Variants in ADAMTSL3 observed in about 807,000 individuals in gnomAD.
The protein encoded by ADAMTSL3 is ADAMTS-like protein 3.
In ADAMTSL3, 128 loss-of-function variants were observed where a neutral mutation model predicts 201.7. The observed-to-expected ratio is 0.63, with a 90% confidence interval of 0.55 to 0.73. The LOEUF is 0.73. Ranked by LOEUF, ADAMTSL3 falls within the 30% of genes least tolerant of loss-of-function variation. The probability of loss-of-function intolerance (pLI) is 0.00; values close to 1 mark genes in which losing one functional copy is unlikely to be tolerated. For synonymous variants in ADAMTSL3, 738 were observed against 748.4 expected (o/e 0.99, Z 0.23); for missense variants, 1,990 against 2,119.6 (o/e 0.94, Z 1.20).
intron 3 of ADAMTSL3, among the ~76,000 whole-genome samples, chr15:83,722,887 A>T (rs559720327): frequency 1.2e-4 from 19 of 152,250 alleles, no homozygotes; most frequent in African/African-American, 4.6e-4. Context: ...TTAAATAAAA[A>T]ATTTAACCAT....
chr15:83,983,603 C>A (rs1035619601), intron 21 of ADAMTSL3, among the ~76,000 whole-genome samples: 1 of 152,162 alleles, frequency 6.6e-6, no homozygotes. Context: ...AGCATATATA[C>A]ACTCCCCCTT....
intron 28 of ADAMTSL3, among the ~76,000 whole-genome samples, chr15:84,031,682 G>C (rs1033415312): frequency 2.6e-5 from 4 of 152,146 alleles, no homozygotes; most frequent in Non-Finnish European, 4.4e-5. Flanking sequence ...TGTGGTAAAA[G>C]GGGAAAAGGA....
At position 84,025,510 on chromosome 15, in the gene ADAMTSL3, T is replaced by C. The variant is rs1276431670; in HGVS notation, c.4656+74T>C. ...ATAGTGTGATAATAATCACCTTGTT[T>C]CCAATAAACTACTTTTGGGGCGGGG... On this transcript the variant is annotated intron_variant, in intron 27 of 29. Transcript: ENST00000286744. The C allele has an allele frequency of 3.5e-6, 5 of 1,423,008 alleles. No homozygotes were observed. The South Asian group carries it at 6.8e-5, about 19-fold the overall frequency. The allele number at this position is 1,423,008 out of a possible 1,614,324, so 88.1% of individuals were successfully genotyped here.
intron 25 of ADAMTSL3, among the ~76,000 whole-genome samples, chr15:84,019,226 T>C (rs924010295): frequency 6.6e-6 from 1 of 152,082 alleles, no homozygotes; most frequent in Non-Finnish European, 1.5e-5. Context: ...GTAGGGTAGC[T>C]AAAAACAAAA....
intron 7 of ADAMTSL3, among the ~76,000 whole-genome samples, chr15:83,842,358 A>G (rs902002606): frequency 1.3e-5 from 2 of 152,028 alleles, no homozygotes; most frequent in Non-Finnish European, 2.9e-5. Context: ...AAGCTGAAAG[A>G]GCACACTGTA....
intron 14 of ADAMTSL3, 133 bp from the exon 15 acceptor site, chr15:83,899,514 A>T: frequency 1.3e-6 from 1 of 755,616 alleles, no homozygotes; most frequent in Non-Finnish European, 2.1e-6. Flanking sequence ...AATGTATTGT[A>T]CTAAGGAACT....
rs758187158 is a variant in ADAMTSL3 at position 83,780,408 on chromosome 15, TA to T, written c.317+6773del. 5.8e-3 allele frequency among the ~76,000 whole-genome samples: 730 copies of T among 125,524 alleles called. 2 individuals carry two copies. Among genetic ancestry groups the T allele is most frequent in the Non-Finnish European group, 8.6e-3 (508 of 59,302 alleles). 82.3% of individuals were successfully genotyped at this position (125,524 alleles called of 152,430 possible). A position where few individuals can be genotyped will look rare whatever the true frequency, so the allele number is the denominator to read the frequency against. On this transcript the variant is annotated intron_variant, in intron 4 of 29. Coordinates refer to ENST00000286744, the MANE Select transcript of ADAMTSL3 (RefSeq NM_207517.3). ...CTGGGCGACAAGAGTGAAACTCCAT[TA>T]AAAAAAAAAAAAAACAAACTTCTCA...
chr15:83,660,077 G>T (rs2061141908), intron 2 of ADAMTSL3, among the ~76,000 whole-genome samples: 1 of 152,192 alleles, frequency 6.6e-6, no homozygotes. Flanking sequence ...GGTGGGCTTT[G>T]AATCTTGACC....
At chr15:83,850,485 TATA>T (rs971630372) in intron 7 of ADAMTSL3, among the ~76,000 whole-genome samples, 2 of 149,838 alleles carry the variant, frequency 1.3e-5, no homozygotes, top group Non-Finnish European at 3.0e-5. Flanking sequence ...TATATGGGTG[TATA>T]ATATTTATAT....
chr15:83,684,835 T>C (rs2061515923), intron 2 of ADAMTSL3, among the ~76,000 whole-genome samples: 1 of 152,232 alleles, frequency 6.6e-6, no homozygotes, highest in Non-Finnish European at 1.5e-5. Flanking sequence ...TCTTTATATA[T>C]GTTCATTTTT....
At chr15:83,874,508 G>A (rs1222641311) in intron 9 of ADAMTSL3, among the ~76,000 whole-genome samples, 4 of 144,108 alleles carry the variant, frequency 2.8e-5, no homozygotes, top group African/African-American at 5.3e-5. Context: ...ACCCTTTAGC[G>A]GAGAGGTGTA....
chr15:83,975,071 A>C (rs1339847471), intron 20 of ADAMTSL3, among the ~76,000 whole-genome samples: 1 of 137,482 alleles, frequency 7.3e-6, no homozygotes, highest in Non-Finnish European at 1.5e-5. Flanking sequence ...GCGCGATCTC[A>C]GCTCACTGCA....
At position 83,784,015 on chromosome 15, in the gene ADAMTSL3, GTTA is replaced by G. The variant is rs138324250; in HGVS notation, c.317+10370_317+10372del. ...TGCTTTAGACCTATTGCAGCTTTAT[GTTA>G]TTATGGGGACTGAATAGGAAGCTGC... On this transcript the variant is annotated intron_variant, in intron 4 of 29. Transcript: ENST00000286744. Among the ~76,000 whole-genome samples, 6 of 152,238 alleles carry G rather than the reference GTTA, an allele frequency of 3.9e-5. No individual in the cohort carries two copies. The East Asian group carries it at 1.2e-3, about 29-fold the overall frequency.
chr15:83,696,690 C>T (rs1386069379), intron 2 of ADAMTSL3, among the ~76,000 whole-genome samples: 2 of 152,134 alleles, frequency 1.3e-5, no homozygotes, highest in Non-Finnish European at 2.9e-5. Context: ...GGCAAATTTG[C>T]CATCAGCCTG....
chr15:83,950,266 C>T lies in ADAMTSL3; in HGVS notation c.2490+7184C>T, dbSNP rs542583746. ...AGCATCATTTATTGAAGAGATTGTCCTTTCCCCAATGTATGATCTTGGCAC... is the reference window on the plus strand; with the variant it reads ...AGCATCATTTATTGAAGAGATTGTCTTTTCCCCAATGTATGATCTTGGCAC... On this transcript the variant is annotated intron_variant, in intron 19 of 29. Transcript: ENST00000286744. Among the ~76,000 whole-genome samples, 13 of 152,162 alleles carry T rather than the reference C, an allele frequency of 8.5e-5. 1 individual carries two copies. The South Asian group carries it at 2.7e-3, about 31-fold the overall frequency.
intron 5 of ADAMTSL3, 34 bp downstream of exon 5, chr15:83,804,729 C>T (rs557769183): frequency 3.3e-6 from 5 of 1,493,040 alleles, no homozygotes; most frequent in Non-Finnish European, 3.6e-6. Context: ...TTATCCAATA[C>T]AATATGTGCT....
intron 23 of ADAMTSL3, among the ~76,000 whole-genome samples, chr15:83,994,898 C>T (rs891778446): frequency 1.3e-5 from 2 of 151,776 alleles, no homozygotes; most frequent in Non-Finnish European, 2.9e-5. Flanking sequence ...GCATGAGCCA[C>T]GGCATCCGGC....
intron 4 of ADAMTSL3, among the ~76,000 whole-genome samples, chr15:83,785,657 C>T (rs921502806): frequency 2.0e-5 from 3 of 152,152 alleles, no homozygotes; most frequent in Non-Finnish European, 4.4e-5. Context: ...AGATCCTTCT[C>T]TATGGTAGGA....
intron 19 of ADAMTSL3, 37 bp from the exon 20 acceptor site, chr15:83,970,447 T>C (rs757592349): frequency 6.2e-7 from 1 of 1,613,110 alleles, no homozygotes; most frequent in Non-Finnish European, 8.5e-7. Context: ...TGCCTGCTCA[T>C]GCTCCATTTG....
Sources: gnomAD v4.1 joint callset for allele counts (sites outside exome capture counted in the v4.1 genomes callset) on GRCh38, gnomAD v4.1.1 for gene constraint, MANE v1.5 for transcripts, NCBI Gene and HGNC (gene_info 2026-07-23, HGNC 2026-07-21) for gene names.